Variants in ANKRD44 observed in about 807,000 individuals in gnomAD.
ANKRD44 encodes the protein serine/threonine-protein phosphatase 6 regulatory ankyrin repeat subunit B.
In ANKRD44, 35 loss-of-function variants were observed where a neutral mutation model predicts 116.0. The observed-to-expected ratio is 0.30, with a 90% confidence interval of 0.23 to 0.40. The LOEUF (loss-of-function observed/expected upper bound fraction) is 0.40. Ranked by LOEUF, ANKRD44 falls within the 10% of genes least tolerant of loss-of-function variation. ANKRD44 has a pLI of 1.00. For missense variants in ANKRD44, 1,014 were observed against 1,242.6 expected, an observed-to-expected ratio of 0.82 and a Z score of 2.77; for synonymous variants, 435 against 461.8, an observed-to-expected ratio of 0.94 and a Z score of 0.74.
At chr2:197,065,217 G>A (rs1355264985) in intron 16 of ANKRD44, among the ~76,000 whole-genome samples, 9 of 152,058 alleles carry the variant, frequency 5.9e-5, no homozygotes, top group South Asian at 2.1e-4. Flanking sequence ...GGTACATAAC[G>A]AAATGAAGGC....
At position 197,125,369 on chromosome 2, in the gene ANKRD44, T is replaced by C. The variant is rs776668924; in HGVS notation, c.550+12A>G. 5.0e-6 allele frequency: 8 copies of C among 1,612,900 alleles called. No individual in the cohort carries two copies. Among genetic ancestry groups the C allele is most frequent in the African/African-American group, 2.7e-5 (2 of 74,910 alleles). ...TTATCTGTACTTTGCTTTCCATGCA[T>C]GGAATCCTTACCCATGTATGCTGCC... On this transcript the variant is annotated intron_variant, in intron 6 of 27. Transcript: ENST00000282272.
At chr2:197,157,256 A>G (rs1574571248) in intron 2 of ANKRD44, among the ~76,000 whole-genome samples, 2 of 152,334 alleles carry the variant, frequency 1.3e-5, no homozygotes, top group South Asian at 4.1e-4. Context: ...AAATAGCAAA[A>G]TCGAATTAAC....
At chr2:197,217,448 CA>C (rs2081475343) in intron 1 of ANKRD44, among the ~76,000 whole-genome samples, 1 of 152,088 alleles carries the variant, frequency 6.6e-6, no homozygotes, top group Admixed American at 6.6e-5. Context: ...CATAGCCCAC[CA>C]AAATTCAAGT....
chr2:197,106,342 G>C (rs2078426642), intron 9 of ANKRD44, among the ~76,000 whole-genome samples: 2 of 152,250 alleles, frequency 1.3e-5, no homozygotes, highest in Admixed American at 1.3e-4. Context: ...CTACTTGAGA[G>C]GCTGAGGCAG....
chr2:197,006,988 C>G (rs748137508), intron 20 of ANKRD44, among the ~76,000 whole-genome samples: 3 of 151,880 alleles, frequency 2.0e-5, no homozygotes, highest in Non-Finnish European at 4.4e-5. Context: ...ACCTGTGGTC[C>G]CAGTTACTGG....
intron 1 of ANKRD44, among the ~76,000 whole-genome samples, chr2:197,278,478 T>A (rs1331584152): frequency 1.4e-4 from 22 of 152,070 alleles, no homozygotes; most frequent in Admixed American, 1.4e-3. Flanking sequence ...TGCCTCAGCC[T>A]CCCGAGTAGC....
chr2:197,253,146 G>A (rs765769169), intron 1 of ANKRD44, among the ~76,000 whole-genome samples: 1 of 152,128 alleles, frequency 6.6e-6, no homozygotes, highest in African/African-American at 2.4e-5. Flanking sequence ...CCTGTATAAC[G>A]ATGGTACAAC....
intron 4 of ANKRD44, chr2:197,135,243 A>G (rs2079189230): frequency 6.6e-6 from 1 of 152,208 alleles, no homozygotes; most frequent in African/African-American, 2.4e-5. Flanking sequence ...AATTCTCAGC[A>G]AGACCTTTTG....
intron 27 of ANKRD44, among the ~76,000 whole-genome samples, chr2:196,991,756 T>G (rs2075921606): frequency 2.5e-5 from 1 of 39,944 alleles, no homozygotes. Context: ...GATTTTTTCT[T>G]TTTTTGGTTT....
At position 197,121,317 on chromosome 2, in the gene ANKRD44, C is replaced by G; in HGVS notation, c.906+15G>C. On this transcript the variant is annotated intron_variant, in intron 8 of 27. Coordinates refer to ENST00000282272, the MANE Select transcript of ANKRD44 (RefSeq NM_001195144.2). ...AATGCAAAGGCATTCAACACAGAGA[C>G]TAAGAGTGTCATACCTGAATGTTAA... The G allele has an allele frequency of 6.2e-7, 1 of 1,611,042 alleles. No individual in the cohort carries two copies. Among genetic ancestry groups the G allele is most frequent in the Non-Finnish European group, 8.5e-7 (1 of 1,177,218 alleles).
Position 197,142,980 on chromosome 2 carries a change from G to GA in ANKRD44, c.190+4046dup, listed in dbSNP as rs952283288. ...CCTAGCAAGACCCCATCTTAAAAAA[G>GA]AAAAAAAAAAAAGTAAATTAAATTA... On this transcript the variant is annotated intron_variant, in intron 3 of 27. Transcript: ENST00000282272. Among the ~76,000 whole-genome samples, 121 of 109,756 alleles carry GA rather than the reference G, an allele frequency of 1.1e-3. 1 individual carries two copies. The highest frequency in any genetic ancestry group is 2.5e-3 in the African/African-American group (74 of 29,796). 72.0% of individuals were successfully genotyped at this position (109,756 alleles called of 152,430 possible).
intron 1 of ANKRD44, among the ~76,000 whole-genome samples, chr2:197,238,852 G>A (rs1247904571): frequency 6.6e-6 from 1 of 152,086 alleles, no homozygotes; most frequent in Non-Finnish European, 1.5e-5. Context: ...TTATAGGCAT[G>A]TACCACCACG....
At chr2:197,060,055 G>T (rs1481442809) in intron 16 of ANKRD44, among the ~76,000 whole-genome samples, 1 of 152,158 alleles carries the variant, frequency 6.6e-6, no homozygotes, top group Non-Finnish European at 1.5e-5. Context: ...GGGACATGCT[G>T]TCCCCTAAAG....
intron 10 of ANKRD44, among the ~76,000 whole-genome samples, chr2:197,090,698 C>T (rs1008316905): frequency 6.6e-6 from 1 of 152,080 alleles, no homozygotes; most frequent in Non-Finnish European, 1.5e-5. Context: ...TCAAATGTTG[C>T]CTTTTCCTAA....
chr2:197,229,292 G>A (rs1441761315), intron 1 of ANKRD44, among the ~76,000 whole-genome samples: 1 of 152,192 alleles, frequency 6.6e-6, no homozygotes, highest in Non-Finnish European at 1.5e-5. Flanking sequence ...TAAGTAATGT[G>A]TATAGAGACT....
At chr2:197,179,580 A>G (rs907390705) in intron 2 of ANKRD44, among the ~76,000 whole-genome samples, 2 of 152,230 alleles carry the variant, frequency 1.3e-5, no homozygotes, top group African/African-American at 4.8e-5. Context: ...TAATTGCAAA[A>G]TAATACTAAT....
chr2:197,040,263 C>A (rs1391500881), intron 16 of ANKRD44, among the ~76,000 whole-genome samples: 8 of 148,700 alleles, frequency 5.4e-5, no homozygotes, highest in African/African-American at 2.0e-4. Context: ...CAAAACAAAA[C>A]AAAAAAACAG....
chr2:197,163,412 G>A (rs1186887286), intron 2 of ANKRD44, among the ~76,000 whole-genome samples: 1 of 152,220 alleles, frequency 6.6e-6, no homozygotes, highest in Non-Finnish European at 1.5e-5. Context: ...GTTCCTGGGA[G>A]GCCAAGTGGC....
Position 197,000,402 on chromosome 2 carries a change from T to C in ANKRD44, c.2519+17A>G, listed in dbSNP as rs747384924. On this transcript the variant is annotated intron_variant, in intron 23 of 27. Transcript: ENST00000282272. ...AAGATTCATCAAGAAAAAAGCATGC[T>C]GTTTTAGATTACTTACCTGCCTTTG... is the stretch of plus-strand genomic sequence containing the variant. The C allele has an allele frequency of 6.2e-7, 1 of 1,603,126 alleles. No individual in the cohort carries two copies. Among genetic ancestry groups the C allele is most frequent in the East Asian group, 2.2e-5 (1 of 44,798 alleles).
Sources: gnomAD v4.1 joint callset for allele counts (sites outside exome capture counted in the v4.1 genomes callset) on GRCh38, gnomAD v4.1.1 for gene constraint, MANE v1.5 for transcripts, NCBI Gene and HGNC (gene_info 2026-07-23, HGNC 2026-07-21) for gene names.